The following HPSE2 variants were observed in gnomAD, a reference collection of about 807,000 sequenced individuals.
HPSE2 encodes heparanase 2 (inactive).
HPSE2 carries 38 observed loss-of-function variants against 60.5 expected under a neutral mutation model. The ratio of observed to expected loss-of-function variants is 0.63; its 90% CI spans 0.48 to 0.82. The LOEUF (loss-of-function observed/expected upper bound fraction) is 0.82. Ranked by LOEUF, HPSE2 falls within the 40% of genes least tolerant of loss-of-function variation. The probability of loss-of-function intolerance (pLI) is 0.00; values close to 1 mark genes in which losing one functional copy is unlikely to be tolerated. For synonymous variants in HPSE2, 295 were observed against 293.2 expected (o/e 1.01, Z -0.06); for missense variants, 713 against 740.4 (o/e 0.96, Z 0.43).
intron 9 of HPSE2, among the ~76,000 whole-genome samples, chr10:98,605,979 G>A (rs899408797): frequency 2.0e-5 from 3 of 152,190 alleles, no homozygotes; most frequent in Non-Finnish European, 4.4e-5. Context: ...TTCTAAAGAA[G>A]CCTCCCCTCC....
At chr10:98,883,741 C>T (rs1422807598) in intron 3 of HPSE2, among the ~76,000 whole-genome samples, 5 of 151,948 alleles carry the variant, frequency 3.3e-5, no homozygotes, top group Non-Finnish European at 7.4e-5. Flanking sequence ...GAGTTCAAGC[C>T]TGTAGTGAAC....
the HPSE2 span, among the ~76,000 whole-genome samples, chr10:99,304,498 C>T: frequency 6.6e-6 from 1 of 152,218 alleles, no homozygotes; most frequent in African/African-American, 2.4e-5. Context: ...TGAATTCTTT[C>T]CTGGGCAAAG....
rs35696225 is a variant in HPSE2 at position 99,126,392 on chromosome 10, C to CAGA, written c.610+17845_610+17846insTCT. On this transcript the variant is annotated intron_variant, in intron 3 of 11. Transcript: ENST00000370552. The surrounding 1 kb of genome is among the most constrained non-coding windows in gnomAD (Gnocchi z 4.0). ...TGCCCTAGTAGCTGAACAGAAAAGA[C>CAGA]AGCTCATCCAAGCTTTATGGCCCCA... is the stretch of plus-strand genomic sequence containing the variant. Among the ~76,000 whole-genome samples the CAGA allele has an allele frequency of 0.49, 74,566 of 151,600 alleles. 20,772 individuals are homozygous for CAGA. Among genetic ancestry groups the CAGA allele is most frequent in the East Asian group, 0.65 (3,333 of 5,116 alleles).
At chr10:98,727,045 G>T (rs561782143) in intron 4 of HPSE2, among the ~76,000 whole-genome samples, 1 of 151,966 alleles carries the variant, frequency 6.6e-6, no homozygotes, top group Non-Finnish European at 1.5e-5. Context: ...TGACTCAAGT[G>T]CAACCCCCAG....
chr10:99,077,491 G>C (rs998800973), intron 3 of HPSE2, among the ~76,000 whole-genome samples: 50 of 151,736 alleles, frequency 3.3e-4, no homozygotes, highest in African/African-American at 1.2e-3. Flanking sequence ...GATTGATCTA[G>C]TCTGCTATTC....
chr10:98,669,792 C>T (rs1463423104), intron 6 of HPSE2, among the ~76,000 whole-genome samples: 1 of 152,148 alleles, frequency 6.6e-6, no homozygotes, highest in East Asian at 1.9e-4. Context: ...TGCTCACTAC[C>T]TGGGTGACAG....
intron 3 of HPSE2, among the ~76,000 whole-genome samples, chr10:98,997,031 A>C (rs575291334): frequency 2.6e-5 from 4 of 151,786 alleles, no homozygotes; most frequent in Non-Finnish European, 5.9e-5. Flanking sequence ...CAATAAAAAA[A>C]TTTTTAATAA....
chr10:98,581,962 T>TTGTG (rs768469207), intron 9 of HPSE2, among the ~76,000 whole-genome samples: 8,008 of 152,280 alleles, frequency 0.053, 278 homozygotes, highest in Middle Eastern at 0.13. Flanking sequence ...GTGGGTCCCC[T>TTGTG]ACACACACAT....
At chr10:99,049,538 C>A (rs1186046421) in intron 3 of HPSE2, among the ~76,000 whole-genome samples, 1 of 151,784 alleles carries the variant, frequency 6.6e-6, no homozygotes, top group African/African-American at 2.4e-5. Context: ...TAATTATACA[C>A]AGAAGAATAA....
the HPSE2 span, among the ~76,000 whole-genome samples, chr10:99,245,125 A>T: frequency 2.0e-5 from 3 of 152,150 alleles, no homozygotes; most frequent in African/African-American, 4.8e-5. Context: ...ATAAAATAGT[A>T]TTTCCTGTGC....
rs1418227119 is a variant in HPSE2 at position 99,212,395 on chromosome 10, T to C, written c.448+19953A>G. ...GCAACATTATTCACAATAGTCAAGA[T>C]AAAGAACCCACTTAAGTGTCCATCA... On this transcript the variant is annotated intron_variant, in intron 2 of 11. Transcript: ENST00000370552. Among the ~76,000 whole-genome samples, 6 of 152,068 alleles carry C rather than the reference T, an allele frequency of 3.9e-5. No individual in the cohort carries two copies. The South Asian group carries it at 1.0e-3, about 26-fold the overall frequency.
chr10:98,907,481 AC>A (rs1394584535), intron 3 of HPSE2, among the ~76,000 whole-genome samples: 1 of 152,214 alleles, frequency 6.6e-6, no homozygotes, highest in African/African-American at 2.4e-5. Context: ...AATTAAAAAA[AC>A]AAAACAAAAC....
At chr10:98,567,510 C>T (rs1944379998) in intron 9 of HPSE2, among the ~76,000 whole-genome samples, 1 of 152,100 alleles carries the variant, frequency 6.6e-6, no homozygotes, top group Admixed American at 6.5e-5. Flanking sequence ...CTTTTGGAAG[C>T]CTGCTCTATC....
chr10:98,968,442 A>G (rs1375844756), intron 3 of HPSE2, among the ~76,000 whole-genome samples: 1 of 152,188 alleles, frequency 6.6e-6, no homozygotes, highest in Non-Finnish European at 1.5e-5. Flanking sequence ...AACAGTATGG[A>G]GCTTCCTTAA....
intron 2 of HPSE2, among the ~76,000 whole-genome samples, chr10:99,189,523 A>C (rs1458791993): frequency 6.6e-6 from 1 of 152,156 alleles, no homozygotes; most frequent in Non-Finnish European, 1.5e-5. Flanking sequence ...AATTCTAATA[A>C]AGTGCTCTCT....
chr10:98,896,134 A>G (rs968965989), intron 3 of HPSE2, among the ~76,000 whole-genome samples: 1 of 152,052 alleles, frequency 6.6e-6, no homozygotes, highest in Non-Finnish European at 1.5e-5. Context: ...TATCTCCTCT[A>G]AAGTAGTTCC....
intron 9 of HPSE2, among the ~76,000 whole-genome samples, chr10:98,566,348 T>C (rs1944344245): frequency 1.3e-5 from 2 of 152,188 alleles, no homozygotes; most frequent in African/African-American, 4.8e-5. Context: ...GGTATTTCCA[T>C]TTTAACTGAG....
At chr10:98,986,993 A>C (rs1160730052) in intron 3 of HPSE2, among the ~76,000 whole-genome samples, 1 of 152,188 alleles carries the variant, frequency 6.6e-6, no homozygotes, top group Non-Finnish European at 1.5e-5. Flanking sequence ...AAATCGAGGC[A>C]ATAATTAACA....
chr10:99,195,931 G>A (rs1848382099), intron 2 of HPSE2, among the ~76,000 whole-genome samples: 1 of 151,982 alleles, frequency 6.6e-6, no homozygotes, highest in African/African-American at 2.4e-5. Flanking sequence ...CAAAACTGGA[G>A]GAATCACATT....
Sources: allele counts gnomAD v4.1 joint callset (sites outside exome capture counted in the v4.1 genomes callset), GRCh38; gene constraint gnomAD v4.1.1; non-coding constraint Gnocchi (gnomAD v3.1); transcripts MANE v1.5; gene names NCBI Gene and HGNC (gene_info 2026-07-23, HGNC 2026-07-21).